Variants in FARP1 observed in about 807,000 individuals in gnomAD.
FARP1 encodes the protein FERM, ARHGEF and pleckstrin domain-containing protein 1.
A neutral mutation model predicts 128.8 loss-of-function variants in FARP1; 52 were observed. That is an observed-to-expected ratio of 0.40 (90% CI 0.32 to 0.51). The LOEUF (loss-of-function observed/expected upper bound fraction) is 0.51. Ranked by LOEUF, FARP1 falls within the 20% of genes least tolerant of loss-of-function variation. FARP1 has a pLI of 0.45. For missense variants in FARP1, 1,333 were observed against 1,367.9 expected (o/e 0.97, Z 0.40); for synonymous variants, 580 against 551.8 (o/e 1.05, Z -0.72).
At chr13:98,300,785 G>A (rs1180922853) in intron 2 of FARP1, among the ~76,000 whole-genome samples, 1 of 152,214 alleles carries the variant, frequency 6.6e-6, no homozygotes, top group Non-Finnish European at 1.5e-5. Context: ...AGTTTTCTTT[G>A]AAAATAGACT....
rs1004914852 is a variant in FARP1, at chr13:98,292,506, C to T, written c.172-51256C>T. Among the ~76,000 whole-genome samples the T allele has an allele frequency of 3.9e-4, 59 of 152,324 alleles. 4 individuals carry two copies. Among genetic ancestry groups the T allele is most frequent in the Non-Finnish European group, 4.4e-5 (3 of 68,034 alleles). On this transcript the variant is annotated intron_variant, in intron 2 of 26. Coordinates refer to ENST00000319562, the MANE Select transcript of FARP1 (RefSeq NM_005766.4). ...GCAGTGCAACATTCAATACAGTAGT[C>T]ACTTGCCACATGTGGCTATTTAAAT...
chr13:98,293,633 G>A (rs773999335), intron 2 of FARP1, among the ~76,000 whole-genome samples: 3 of 152,150 alleles, frequency 2.0e-5, no homozygotes, highest in East Asian at 1.9e-4. Context: ...GTAAGGAATC[G>A]AAATTTCCAT....
chr13:98,446,580 A>G, intron 25 of FARP1, 86 bp from the exon 26 acceptor site: 1 of 1,436,764 alleles, frequency 7.0e-7, no homozygotes, highest in Non-Finnish European at 9.7e-7. Context: ...TGGGCTCCCA[A>G]GTCCCTGTCT....
At chr13:98,363,042 C>A (rs369140820) in intron 3 of FARP1, among the ~76,000 whole-genome samples, 73 of 152,246 alleles carry the variant, frequency 4.8e-4, no homozygotes, top group Non-Finnish European at 8.7e-4. Flanking sequence ...TGCATCCATT[C>A]TTGCTCCTTC....
rs576766377 is a variant in FARP1 at position 98,221,019 on chromosome 13, C to T, written c.171+7606C>T. Among the ~76,000 whole-genome samples, 6 of 152,140 alleles carry T rather than the reference C, an allele frequency of 3.9e-5. No homozygotes were observed. In the East Asian group the frequency reaches 5.8e-4, roughly 15 times the overall value. On this transcript the variant is annotated intron_variant, in intron 2 of 26. Transcript: ENST00000319562. ...AAACAATATTCTCAATGATAAGAAA[C>T]GGAGGGGTTAAAGGGGAAGTGCAGG...
chr13:98,154,683 G>A (rs1876374270), intron 1 of FARP1, among the ~76,000 whole-genome samples: 1 of 152,186 alleles, frequency 6.6e-6, no homozygotes, highest in South Asian at 2.1e-4. Flanking sequence ...TGAATATACA[G>A]GGATAATCAT....
At chr13:98,287,708 C>T (rs944570729) in intron 2 of FARP1, among the ~76,000 whole-genome samples, 2 of 151,700 alleles carry the variant, frequency 1.3e-5, no homozygotes, top group African/African-American at 4.8e-5. Flanking sequence ...TAATTCTCTT[C>T]ATGCATAATC....
chr13:98,434,444 A>G (rs1892172388), intron 18 of FARP1: 1 of 152,196 alleles, frequency 6.6e-6, no homozygotes, highest in Admixed American at 6.5e-5. Flanking sequence ...AGAAAACTAA[A>G]TGCTTCCCTT....
intron 16 of FARP1, among the ~76,000 whole-genome samples, chr13:98,416,323 G>C (rs1473412552): frequency 2.6e-5 from 4 of 152,248 alleles, no homozygotes; most frequent in African/African-American, 9.6e-5. Flanking sequence ...GATCTAGTGA[G>C]TGTGACCTTC....
chr13:98,341,046 A>C (rs536697476), intron 2 of FARP1: 3 of 143,756 alleles, frequency 2.1e-5, no homozygotes, highest in African/African-American at 8.1e-5. Context: ...TCAGGCATTT[A>C]AGATCTAGAG....
In FARP1 at chr13:98,187,138, A is replaced by C. The variant is rs142142779; in HGVS notation, c.-23-26082A>C. Among the ~76,000 whole-genome samples, 629 of 152,176 alleles carry C rather than the reference A, an allele frequency of 4.1e-3. 3 individuals carry two copies. Among genetic ancestry groups the C allele is most frequent in the African/African-American group, 0.013 (554 of 41,496 alleles). On this transcript the variant is annotated intron_variant, in intron 1 of 26. Coordinates refer to ENST00000319562, the MANE Select transcript of FARP1 (RefSeq NM_005766.4). ...CAATTCTATATTTAATTTTTTGAGGAATTGCCATTCCATTTTCTACAGCTC... is the reference window on the plus strand; with the variant it reads ...CAATTCTATATTTAATTTTTTGAGGCATTGCCATTCCATTTTCTACAGCTC...
intron 2 of FARP1, among the ~76,000 whole-genome samples, chr13:98,267,038 G>A (rs9584788): frequency 0.4 from 56,250 of 140,002 alleles, 12,632 homozygotes; most frequent in African/African-American, 0.54. Context: ...AAAAAAAGGG[G>A]TGGTATACAA....
At chr13:98,324,068 A>C (rs1051900711) in intron 2 of FARP1, among the ~76,000 whole-genome samples, 1 of 152,244 alleles carries the variant, frequency 6.6e-6, no homozygotes, top group Non-Finnish European at 1.5e-5. Flanking sequence ...TGCACTAGGA[A>C]AATTTCCTCG....
chr13:98,368,293 T>C, intron 5 of FARP1, 98 bp downstream of exon 5: 1 of 892,424 alleles, frequency 1.1e-6, no homozygotes, highest in East Asian at 2.5e-5. Flanking sequence ...TTCATAATGT[T>C]TACTTGACCA....
At chr13:98,359,852 G>GCA (rs1228150686) in intron 3 of FARP1, among the ~76,000 whole-genome samples, 1 of 152,214 alleles carries the variant, frequency 6.6e-6, no homozygotes, top group East Asian at 1.9e-4. Context: ...GATGTGCAAA[G>GCA]CACACATGTG....
chr13:98,448,698 C>T lies in FARP1; in HGVS notation c.*381C>T, dbSNP rs1230249198. The stretch of plus-strand genomic sequence containing the variant: ...AAAAAGTTCTTTCTTTTATTATTTT[C>T]ACCTATTGGCTGCTGCATTTTACGA... On this transcript the variant is annotated 3_prime_UTR_variant, in exon 27 of 27. Transcript: ENST00000319562. The T allele has an allele frequency of 5.8e-6, 1 of 171,638 alleles. No individual in the cohort carries two copies. The highest frequency in any genetic ancestry group is 2.4e-5 in the African/African-American group (1 of 41,876). The allele number at this position is 171,638 out of a possible 1,614,324, so 10.6% of individuals were successfully genotyped here.
chr13:98,295,702 T>A (rs1265025359), intron 2 of FARP1, among the ~76,000 whole-genome samples: 3 of 152,152 alleles, frequency 2.0e-5, no homozygotes, highest in African/African-American at 4.8e-5. Context: ...GCCTAAAGAC[T>A]TACTCCAGAA....
intron 2 of FARP1, among the ~76,000 whole-genome samples, chr13:98,308,029 CTCTCTTTTTTTTTTTTT>C (rs1373700692): frequency 0.16 from 18,129 of 114,718 alleles, 3,125 homozygotes; most frequent in Non-Finnish European, 0.23. Context: ...CCCCCACTCT[CTCTCTTTTTTTTTTTTT>C]TTTTTTTTTT....
chr13:98,432,523 G>A (rs746554945), intron 18 of FARP1: 12 of 152,288 alleles, frequency 7.9e-5, no homozygotes, highest in South Asian at 4.1e-4. Context: ...TTGGCCCTGC[G>A]TAGGTGGCTC....
Sources: allele counts gnomAD v4.1 joint callset (sites outside exome capture counted in the v4.1 genomes callset), GRCh38; gene constraint gnomAD v4.1.1; transcripts MANE v1.5; gene names NCBI Gene and HGNC (gene_info 2026-07-23, HGNC 2026-07-21).